CNTN3: variants seen among roughly 807,000 people sequenced by gnomAD.
CNTN3 encodes the protein contactin 3, also known as contactin-3.
In CNTN3, 60 loss-of-function variants were observed where a neutral mutation model predicts 119.1. The ratio of observed to expected loss-of-function variants is 0.50; its 90% CI spans 0.41 to 0.62. The LOEUF is 0.62. Among genes scored for constraint, CNTN3 ranks in the 20% least tolerant of loss-of-function variants. The pLI, the probability that CNTN3 is intolerant of heterozygous loss-of-function variation, is 0.00. For missense variants in CNTN3, 1,101 were observed against 1,242.4 expected, an observed-to-expected ratio of 0.89 and a Z score of 1.71; for synonymous variants, 450 against 438.7, an observed-to-expected ratio of 1.03 and a Z score of -0.32.
At chr3:74,428,164 T>C (rs572445137) in intron 4 of CNTN3, among the ~76,000 whole-genome samples, 1 of 152,298 alleles carries the variant, frequency 6.6e-6, no homozygotes, top group African/African-American at 2.4e-5. Context: ...AAATTATGTA[T>C]AGCATATAAT....
At chr3:74,319,827 A>C (rs1207177603) in intron 13 of CNTN3, among the ~76,000 whole-genome samples, 1 of 151,870 alleles carries the variant, frequency 6.6e-6, no homozygotes, top group Non-Finnish European at 1.5e-5. Flanking sequence ...CAAAAAAAAA[A>C]ACAAACAACC....
At position 74,584,703 on chromosome 3, in the gene CNTN3, C is replaced by A. The variant is rs550988930; in HGVS notation, c.-81+29688G>T. Among the ~76,000 whole-genome samples the A allele has an allele frequency of 3.9e-5, 6 of 152,270 alleles. No homozygotes were observed. In the South Asian group the frequency reaches 1.2e-3, roughly 32 times the overall value. On this transcript the variant is annotated intron_variant, in intron 1 of 22. Transcript: ENST00000263665. ...TAAGACATCTTGTTTCACATAAGGT[C>A]TGCAATGTACTTTGACGTGTTATAT... is the stretch of plus-strand genomic sequence containing the variant.
chr3:74,519,195 C>T (rs948341822), intron 2 of CNTN3, among the ~76,000 whole-genome samples: 6 of 151,682 alleles, frequency 4.0e-5, no homozygotes, highest in African/African-American at 1.5e-4. Context: ...AACATATCTA[C>T]ATATATGTGC....
intron 13 of CNTN3, among the ~76,000 whole-genome samples, chr3:74,327,126 T>G (rs1394258102): frequency 1.4e-5 from 2 of 146,634 alleles, no homozygotes; most frequent in African/African-American, 2.5e-5. Flanking sequence ...TTTTTTTTTT[T>G]TTTTTGTTTG....
chr3:74,307,869 GA>G (rs1367694024), intron 13 of CNTN3, among the ~76,000 whole-genome samples: 1 of 152,000 alleles, frequency 6.6e-6, no homozygotes, highest in South Asian at 2.1e-4. Context: ...TCCAGTTTAA[GA>G]AAAAAAATTA....
chr3:74,335,545 T>G (rs1186130097), intron 12 of CNTN3, among the ~76,000 whole-genome samples: 1 of 152,142 alleles, frequency 6.6e-6, no homozygotes, highest in Non-Finnish European at 1.5e-5. Context: ...TACTTTGCAC[T>G]ACGTTGGACC....
chr3:74,461,962 T>C (rs1418580531), intron 4 of CNTN3, among the ~76,000 whole-genome samples: 3 of 152,116 alleles, frequency 2.0e-5, no homozygotes, highest in Admixed American at 6.6e-5. Flanking sequence ...TGTTGACTTG[T>C]AATGCCATTG....
intron 2 of CNTN3, among the ~76,000 whole-genome samples, chr3:74,518,742 C>A (rs1369496304): frequency 6.6e-6 from 1 of 151,876 alleles, no homozygotes; most frequent in East Asian, 1.9e-4. Context: ...AAGACTAGTA[C>A]AGAAATTCAT....
intron 20 of CNTN3, among the ~76,000 whole-genome samples, chr3:74,280,762 G>A (rs575093942): frequency 6.6e-6 from 1 of 152,340 alleles, no homozygotes; most frequent in East Asian, 1.9e-4. Flanking sequence ...CTGCCCTGAA[G>A]GGGCTGACAC....
chr3:74,601,317 T>G lies in CNTN3; in HGVS notation c.-81+13074A>C, dbSNP rs188719498. Among the ~76,000 whole-genome samples, 87 of 152,048 alleles carry G rather than the reference T, an allele frequency of 5.7e-4. 1 individual carries two copies. The highest frequency in any genetic ancestry group is 2.0e-3 in the African/African-American group (85 of 41,466). On this transcript the variant is annotated intron_variant, in intron 1 of 22. Coordinates refer to ENST00000263665, the MANE Select transcript of CNTN3 (RefSeq NM_020872.3). ...GAAACTATCAAGTGGCAGACAGAGA[T>G]TCCATGGAATAAGAAGCATACAGAT... is the stretch of plus-strand genomic sequence containing the variant.
chr3:74,270,302 T>A (rs972757665), intron 20 of CNTN3, among the ~76,000 whole-genome samples: 27 of 152,126 alleles, frequency 1.8e-4, no homozygotes, highest in African/African-American at 6.0e-4. Context: ...CACCCCCAAG[T>A]GGCAGCCATA....
chr3:74,365,765 A>C (rs1704173049), intron 8 of CNTN3, 63 bp from the exon 9 acceptor site: 1 of 1,522,444 alleles, frequency 6.6e-7, no homozygotes, highest in East Asian at 2.3e-5. Context: ...AAATGTATTT[A>C]TTATTTTATT....
At chr3:74,280,618 G>A (rs1180212635) in intron 20 of CNTN3, among the ~76,000 whole-genome samples, 1 of 152,232 alleles carries the variant, frequency 6.6e-6, no homozygotes, top group Non-Finnish European at 1.5e-5. Flanking sequence ...TGGTTAGAGT[G>A]ATGCTGCCAT....
chr3:74,324,315 G>A (rs553353677), intron 13 of CNTN3, among the ~76,000 whole-genome samples: 2 of 151,848 alleles, frequency 1.3e-5, no homozygotes, highest in African/African-American at 2.4e-5. Flanking sequence ...GGGTTCAAGC[G>A]ATTCTCCTGT....
intron 7 of CNTN3, 76 bp from the exon 8 acceptor site, chr3:74,369,449 T>G: frequency 8.3e-7 from 1 of 1,206,632 alleles, no homozygotes; most frequent in Non-Finnish European, 1.1e-6. Flanking sequence ...CTTTTAAGAT[T>G]GAACAAGAAG....
intron 1 of CNTN3, among the ~76,000 whole-genome samples, chr3:74,573,181 T>C (rs1243873493): frequency 6.6e-6 from 1 of 152,012 alleles, no homozygotes; most frequent in Non-Finnish European, 1.5e-5. Flanking sequence ...AATGTATTAA[T>C]ATCCTCTAGG....
intron 3 of CNTN3, among the ~76,000 whole-genome samples, chr3:74,495,988 T>G (rs929306982): frequency 6.6e-6 from 1 of 152,106 alleles, no homozygotes; most frequent in Admixed American, 6.6e-5. Flanking sequence ...TCTGCAAGCC[T>G]GGACATATTC....
At chr3:74,348,762 T>A (rs1703751595) in intron 11 of CNTN3, among the ~76,000 whole-genome samples, 1 of 152,112 alleles carries the variant, frequency 6.6e-6, no homozygotes, top group Admixed American at 6.5e-5. Flanking sequence ...TGAGAGATGA[T>A]AAAATGATTG....
intron 4 of CNTN3, among the ~76,000 whole-genome samples, chr3:74,455,550 C>T (rs150287384): frequency 0.017 from 2,540 of 152,224 alleles, 36 homozygotes; most frequent in South Asian, 0.031. Flanking sequence ...TGAGGAACTG[C>T]GATCCTTTGG....
Sources: allele counts gnomAD v4.1 joint callset (sites outside exome capture counted in the v4.1 genomes callset), GRCh38; gene constraint gnomAD v4.1.1; transcripts MANE v1.5; gene names NCBI Gene and HGNC (gene_info 2026-07-23, HGNC 2026-07-21).